Variants in IL17A observed in about 807,000 individuals in gnomAD.
IL17A encodes interleukin-17A.
In IL17A, 1 loss-of-function variant was observed where a neutral mutation model predicts 7.2. The observed-to-expected ratio is 0.14, with a 90% CI of 0.05 to 0.66. The LOEUF (loss-of-function observed/expected upper bound fraction) is 0.66, where lower values mean the gene tolerates loss of function less well. Among genes scored for constraint, IL17A ranks in the 30% least tolerant of loss-of-function variants. The probability of loss-of-function intolerance (pLI) is 0.84; values close to 1 mark genes in which losing one functional copy is unlikely to be tolerated. For missense variants in IL17A, 191 were observed against 197.1 expected, an observed-to-expected ratio of 0.97 and a Z score of 0.18; for synonymous variants, 90 against 77.7, an observed-to-expected ratio of 1.16 and a Z score of -0.83.
rs145530358 is a variant in IL17A at position 52,189,192 on chromosome 6, G to A, written c.368G>A (p.Arg123His). Reference protein sequence around the residue: ...VPIQQEILVLRREPPHCPNSF... With the variant: ...VPIQQEILVLHREPPHCPNSF... The stretch of plus-strand genomic sequence containing the variant: ...ATCCAGCAAGAGATCCTGGTCCTGC[G>A]CAGGGAGCCTCCACACTGCCCCAAC... The change falls in exon 3 of 3, where the codon CGC (arginine) becomes CAC (histidine). Residue 123 changes from arginine to histidine, a missense_variant. Physicochemically the swap from Arg to His is conservative, Grantham distance 29. Coordinates refer to ENST00000648244, the MANE Select transcript of IL17A (RefSeq NM_002190.3). 67 of 1,614,016 alleles carry A rather than the reference G, an allele frequency of 4.2e-5. No homozygotes were observed. The highest frequency in any genetic ancestry group is 5.5e-5 in the Non-Finnish European group (65 of 1,180,010).
chr6:52,189,028 T>C, intron 2 of IL17A, 27 bp from the exon 3 acceptor site: 1 of 1,544,574 alleles, frequency 6.5e-7, no homozygotes, highest in Non-Finnish European at 8.9e-7. Context: ...GAATTCACTT[T>C]CCTCCTGATT....
At chr6:52,188,268 T>C (rs1026024570) in intron 2 of IL17A, among the ~76,000 whole-genome samples, 2 of 152,212 alleles carry the variant, frequency 1.3e-5, no homozygotes, top group Non-Finnish European at 2.9e-5. Flanking sequence ...CTGGGGTATT[T>C]CTACCCCTTT....
In IL17A at chr6:52,190,587, C is replaced by T. The variant is rs1763362098; in HGVS notation, c.*1295C>T. ...AGCCCAAGTAAAATAAAAACTCAAT[C>T]ACATTCAATTCCAGAGTAGTTTCAA... On this transcript the variant is annotated 3_prime_UTR_variant, in exon 3 of 3. Coordinates refer to ENST00000648244, the MANE Select transcript of IL17A (RefSeq NM_002190.3). 6.6e-6 allele frequency: 1 copy of T among 152,220 alleles called. No homozygotes were observed. The highest frequency in any genetic ancestry group is 2.4e-5 in the African/African-American group (1 of 41,434). The allele number at this position is 152,220 out of a possible 1,614,324, so 9.4% of individuals were successfully genotyped here.
chr6:52,188,127 G>A (rs1184320534), intron 2 of IL17A, among the ~76,000 whole-genome samples: 1 of 152,024 alleles, frequency 6.6e-6, no homozygotes, highest in East Asian at 1.9e-4. Flanking sequence ...TTATCAAAGA[G>A]GATTAATGCT....
At position 52,189,447 on chromosome 6, in the gene IL17A, A is replaced by C; in HGVS notation, c.*155A>C. On this transcript the variant is annotated 3_prime_UTR_variant, in exon 3 of 3. Transcript: ENST00000648244. Reference sequence around the variant, plus strand: ...GTCCAATTAAAGCTTCAGAGGTAACACTTGGCCAAGATATGAGATCTGAAT... The same window carrying C: ...GTCCAATTAAAGCTTCAGAGGTAACCCTTGGCCAAGATATGAGATCTGAAT... 1 of 584,092 alleles carries C rather than the reference A, an allele frequency of 1.7e-6. No individual in the cohort carries two copies. The highest frequency in any genetic ancestry group is 3.0e-6 in the Non-Finnish European group (1 of 333,150). 36.2% of individuals were successfully genotyped at this position (584,092 alleles called of 1,614,324 possible). A position where few individuals can be genotyped will look rare whatever the true frequency, so the allele number is the denominator to read the frequency against.
At chr6:52,187,886 T>C in intron 2 of IL17A, 81 bp downstream of exon 2, 2 of 1,189,532 alleles carry the variant, frequency 1.7e-6, no homozygotes, top group Non-Finnish European at 2.5e-6. Flanking sequence ...TCCCTGAGGA[T>C]GATTTTATTC....
chr6:52,187,718 A>G lies in IL17A; in HGVS notation c.143A>G (p.Asn48Ser). ...AACTTCCCCCGGACTGTGATGGTCA[A>G]CCTGAACATCCATAACCGGAATACC... ...DKNFPRTVMV[N>S]LNIHNRNTNT... Residue 48 changes from asparagine (N) to serine (S), a missense_variant, in exon 2 of 3, where the codon AAC (asparagine) becomes AGC (serine). Transcript: ENST00000648244. 1.2e-6 allele frequency: 2 copies of G among 1,614,060 alleles called. No homozygotes were observed. The highest frequency in any genetic ancestry group is 1.7e-6 in the Non-Finnish European group (2 of 1,179,908).
chr6:52,189,555 T>C lies in IL17A; in HGVS notation c.*263T>C. Reference sequence around the variant, plus strand: ...TACTTTTTTAAGGGCTTTAAGTTATTTATGTATTTAATATGCCCTGAGATA... The same window carrying C: ...TACTTTTTTAAGGGCTTTAAGTTATCTATGTATTTAATATGCCCTGAGATA... On this transcript the variant is annotated 3_prime_UTR_variant, in exon 3 of 3. Coordinates refer to ENST00000648244, the MANE Select transcript of IL17A (RefSeq NM_002190.3). The C allele has an allele frequency of 2.7e-6, 1 of 365,960 alleles. No homozygotes were observed. The allele number at this position is 365,960 out of a possible 1,614,324, so 22.7% of individuals were successfully genotyped here.
chr6:52,186,555 C>A (rs757792991), intron 1 of IL17A, 97 bp downstream of exon 1: 14 of 1,087,944 alleles, frequency 1.3e-5, no homozygotes, highest in African/African-American at 4.7e-5. Flanking sequence ...CTATGGAGAT[C>A]CAGGAATACT....
intron 2 of IL17A, among the ~76,000 whole-genome samples, chr6:52,188,328 A>G (rs1370488358): frequency 6.6e-6 from 1 of 152,104 alleles, no homozygotes; most frequent in African/African-American, 2.4e-5. Context: ...TGCTTGCTGT[A>G]TCCTTAGTAT....
chr6:52,187,177 G>A (rs545647214), intron 1 of IL17A, among the ~76,000 whole-genome samples: 51 of 152,262 alleles, frequency 3.3e-4, no homozygotes, highest in African/African-American at 1.1e-3. Context: ...TTGACTTCAC[G>A]ATGAGTTTCA....
rs1487000714 is a variant in IL17A, at chr6:52,189,217, C to T, written c.393C>T (p.Asn131=). The T allele has an allele frequency of 6.2e-7, 1 of 1,614,166 alleles. No homozygotes were observed. Among genetic ancestry groups the T allele is most frequent in the East Asian group, 2.2e-5 (1 of 44,852 alleles). ...VLRREPPHCP[N]SFRLEKILVS... is the part of the protein sequence containing the mutation. ...GCAGGGAGCCTCCACACTGCCCCAA[C>T]TCCTTCCGGCTGGAGAAGATACTGG... The change falls in exon 3 of 3, where the codon AAC becomes AAT. Residue 131 remains asparagine (N), a synonymous_variant. Coordinates refer to ENST00000648244, the MANE Select transcript of IL17A (RefSeq NM_002190.3).
intron 1 of IL17A, 66 bp downstream of exon 1, chr6:52,186,524 G>T: frequency 2.0e-6 from 3 of 1,488,854 alleles, no homozygotes; most frequent in Non-Finnish European, 2.8e-6. Context: ...TGGACCGTGG[G>T]CATGAAACGC....
rs868361380 is a variant in IL17A at position 52,189,117 on chromosome 6, G to C, written c.293G>C (p.Gly98Ala). The change falls in exon 3 of 3, where the codon GGC becomes GCC. Residue 98 changes from glycine (G) to alanine (A), a missense_variant. Coordinates refer to ENST00000648244, the MANE Select transcript of IL17A (RefSeq NM_002190.3). ...TGGGAGGCAAAGTGCCGCCACTTGGGCTGCATCAACGCTGATGGGAACGTG... is the reference window on the plus strand; with the variant it reads ...TGGGAGGCAAAGTGCCGCCACTTGGCCTGCATCAACGCTGATGGGAACGTG... ...VIWEAKCRHL[G>A]CINADGNVDY... 3.7e-6 allele frequency: 6 copies of C among 1,614,126 alleles called. No individual in the cohort carries two copies. The highest frequency in any genetic ancestry group is 1.7e-4 in the Middle Eastern group (1 of 6,060).
chr6:52,189,381 C>T lies in IL17A; in HGVS notation c.*89C>T. On this transcript the variant is annotated 3_prime_UTR_variant, in exon 3 of 3. Transcript: ENST00000648244. The stretch of plus-strand genomic sequence containing the variant: ...GGAACCCTCATCCTTCAAAGACAGC[C>T]TCATTTCGGACTAAACTCATTAGAG... 2 of 945,448 alleles carry T rather than the reference C, an allele frequency of 2.1e-6. No homozygotes were observed. Among genetic ancestry groups the T allele is most frequent in the Non-Finnish European group, 3.3e-6 (2 of 614,846 alleles). 58.6% of individuals were successfully genotyped at this position (945,448 alleles called of 1,614,324 possible).
chr6:52,187,837 T>C lies in IL17A; in HGVS notation c.230+32T>C, dbSNP rs1336314805. The stretch of plus-strand genomic sequence containing the variant: ...AAAGCTTCCAGATAAAAATGCTATA[T>C]TCTTCATCCCTCTTATGCATCAGAC... On this transcript the variant is annotated intron_variant, in intron 2 of 2. Coordinates refer to ENST00000648244, the MANE Select transcript of IL17A (RefSeq NM_002190.3). The C allele has an allele frequency of 3.2e-6, 5 of 1,543,740 alleles. No homozygotes were observed. The East Asian group carries it at 9.0e-5, about 28-fold the overall frequency.
At chr6:52,186,543 G>C in intron 1 of IL17A, 85 bp downstream of exon 1, 1 of 1,259,594 alleles carries the variant, frequency 7.9e-7, no homozygotes, top group South Asian at 1.2e-5. Flanking sequence ...GCTGGGTTCT[G>C]ACTATGGAGA....
In IL17A at chr6:52,190,266, A is replaced by C. The variant is rs1435776914; in HGVS notation, c.*974A>C. ...GCATTTTGATAGGAATAGAGCAAAT[A>C]AGATAATGGCCCTGAGGAATGGCAT... On this transcript the variant is annotated 3_prime_UTR_variant, in exon 3 of 3. Transcript: ENST00000648244. 6.6e-6 allele frequency: 1 copy of C among 152,200 alleles called. No individual in the cohort carries two copies. Among genetic ancestry groups the C allele is most frequent in the African/African-American group, 2.4e-5 (1 of 41,452 alleles). 9.4% of individuals were successfully genotyped at this position (152,200 alleles called of 1,614,324 possible).
Position 52,189,907 on chromosome 6 carries a change from T to C in IL17A, c.*615T>C, listed in dbSNP as rs1175139971. On this transcript the variant is annotated 3_prime_UTR_variant, in exon 3 of 3. Transcript: ENST00000648244. ...AAAAGAAAGATTAAACCTACTTTCATATGTATTAATTTAAATTTTGCAATT... is the reference window on the plus strand; with the variant it reads ...AAAAGAAAGATTAAACCTACTTTCACATGTATTAATTTAAATTTTGCAATT... The C allele has an allele frequency of 1.3e-5, 2 of 152,208 alleles. No homozygotes were observed. Among genetic ancestry groups the C allele is most frequent in the Non-Finnish European group, 2.9e-5 (2 of 68,028 alleles). The allele number at this position is 152,208 out of a possible 1,614,324, so 9.4% of individuals were successfully genotyped here.
Sources: allele counts gnomAD v4.1 joint callset (sites outside exome capture counted in the v4.1 genomes callset), GRCh38; gene constraint gnomAD v4.1.1; transcripts MANE v1.5; gene names NCBI Gene and HGNC (gene_info 2026-07-23, HGNC 2026-07-21).